Variants in AP4S1 observed in about 807,000 individuals in gnomAD.
AP4S1 encodes adaptor related protein complex 4 subunit sigma 1, also known as AP-4 complex subunit sigma-1.
Under a neutral mutation model 19.8 loss-of-function variants are expected in AP4S1, and 23 were observed. The ratio of observed to expected loss-of-function variants is 1.16; its 90% CI spans 0.84 to 1.65. The LOEUF (loss-of-function observed/expected upper bound fraction) is 1.65, where lower values mean the gene tolerates loss of function less well. AP4S1 is among the 40% of genes most tolerant of loss of function. AP4S1 has a pLI of 0.00. For synonymous variants in AP4S1, 46 were observed against 54.1 expected (o/e 0.85, Z 0.66); for missense variants, 166 against 172.8 (o/e 0.96, Z 0.22).
chr14:31,033,378 T>A (rs1392607953), intron 1 of AP4S1, among the ~76,000 whole-genome samples: 3 of 152,160 alleles, frequency 2.0e-5, no homozygotes, highest in Non-Finnish European at 4.4e-5. Context: ...CATGCCCAGC[T>A]AATTTTTGTA....
Position 31,066,240 on chromosome 14 carries a change from G to A in AP4S1, c.44G>A (p.Arg15Gln), listed in dbSNP as rs1594680613. ...FLMVNKQGQT[R>Q]LSKYYEHVDI... ...ATGGTGAATAAACAAGGGCAGACTC[G>A]ACTTTCTAAGTACTATGAACATGTG... The change falls in exon 2 of 6, where the codon CGA becomes CAA. Residue 15 changes from arginine (R) to glutamine (Q), a missense_variant. By Grantham distance (43) the Arg-to-Gln change is conservative. Transcript: ENST00000542754. The A allele has an allele frequency of 6.2e-6, 10 of 1,613,772 alleles. No homozygotes were observed. The highest frequency in any genetic ancestry group is 1.7e-5 in the Admixed American group (1 of 59,970).
At position 31,092,981 on chromosome 14, in the gene AP4S1, CAG is replaced by C; in HGVS notation, c.382_383del (p.Arg128GlyfsTer11). 1 of 1,548,666 alleles carries C rather than the reference CAG, an allele frequency of 6.5e-7. No individual in the cohort carries two copies. Among genetic ancestry groups the C allele is most frequent in the Non-Finnish European group, 8.7e-7 (1 of 1,146,288 alleles). On this transcript the variant is annotated frameshift_variant, in exon 6 of 6. Transcript: ENST00000542754. LOFTEE classifies it high-confidence loss of function. ...VLNGCIVETN[R>X]ARILAPLLIL... Reference sequence around the variant, plus strand: ...TAAATGGCTGCATTGTGGAAACTAACAGGGCAAGAATTCTTGCCCCTCTACTA... The same window carrying C: ...TAAATGGCTGCATTGTGGAAACTAACGGCAAGAATTCTTGCCCCTCTACTA...
At chr14:31,069,381 TTTTG>T (rs1188903173) in intron 2 of AP4S1, among the ~76,000 whole-genome samples, 2 of 152,176 alleles carry the variant, frequency 1.3e-5, no homozygotes, top group Admixed American at 6.5e-5. Context: ...AGCAACCAAT[TTTTG>T]TTTGTTTGTA....
intron 4 of AP4S1, among the ~76,000 whole-genome samples, chr14:31,077,516 C>T (rs1887425326): frequency 6.6e-6 from 1 of 152,100 alleles, no homozygotes; most frequent in African/African-American, 2.4e-5. Flanking sequence ...AAGTCTGATT[C>T]CTGGACCATT....
chr14:31,027,009 C>T (rs998603532), intron 1 of AP4S1: 1 of 152,226 alleles, frequency 6.6e-6, no homozygotes, highest in African/African-American at 2.4e-5. Flanking sequence ...TCGTCTCTGT[C>T]TTGAGCCTGG....
chr14:31,045,407 T>TG (rs1885339360), intron 1 of AP4S1, among the ~76,000 whole-genome samples: 1 of 152,120 alleles, frequency 6.6e-6, no homozygotes, highest in South Asian at 2.1e-4. Flanking sequence ...GTTTCCTCCA[T>TG]GCTATTCTTG....
chr14:31,051,670 T>A (rs892180829), intron 1 of AP4S1, among the ~76,000 whole-genome samples: 4 of 152,214 alleles, frequency 2.6e-5, no homozygotes, highest in African/African-American at 9.6e-5. Flanking sequence ...AATTTATTTA[T>A]TTATTTATGA....
intron 1 of AP4S1, chr14:31,033,050 T>C (rs185494803): frequency 1.3e-5 from 2 of 152,342 alleles, no homozygotes; most frequent in African/African-American, 4.8e-5. Flanking sequence ...TCAGTGAGTG[T>C]ATATGTGTAT....
In AP4S1 at chr14:31,030,186, C is replaced by G. The variant is rs192355858; in HGVS notation, c.-72+4399C>G. The stretch of plus-strand genomic sequence containing the variant: ...TATTTTTTGTAGAGATGGGTTTTCG[C>G]CATGTTGCACAGGCTGGTCTTGAAC... On this transcript the variant is annotated intron_variant, in intron 1 of 5. Transcript: ENST00000542754. Among the ~76,000 whole-genome samples, 65 of 152,130 alleles carry G rather than the reference C, an allele frequency of 4.3e-4. 1 individual carries two copies. The highest frequency in any genetic ancestry group is 7.1e-4 in the Non-Finnish European group (48 of 68,000).
At chr14:31,091,937 T>G (rs533304566) in intron 5 of AP4S1, among the ~76,000 whole-genome samples, 1 of 152,358 alleles carries the variant, frequency 6.6e-6, no homozygotes, top group South Asian at 2.1e-4. Context: ...ACATTCATTG[T>G]CATCATCTCA....
intron 1 of AP4S1, among the ~76,000 whole-genome samples, chr14:31,052,232 A>G (rs1885835891): frequency 6.6e-6 from 1 of 152,124 alleles, no homozygotes; most frequent in Non-Finnish European, 1.5e-5. Flanking sequence ...TGATTGCGCC[A>G]CTGCACTCCA....
chr14:31,072,493 C>G (rs751880937), intron 3 of AP4S1, among the ~76,000 whole-genome samples: 1 of 152,124 alleles, frequency 6.6e-6, no homozygotes, highest in Admixed American at 6.5e-5. Context: ...GCCTCAGTCT[C>G]GCAAGTAGCT....
chr14:31,049,877 C>T (rs1371072783), intron 1 of AP4S1, among the ~76,000 whole-genome samples: 4 of 152,026 alleles, frequency 2.6e-5, no homozygotes, highest in African/African-American at 9.7e-5. Flanking sequence ...ACTGGGATTA[C>T]AGGCATGGAC....
In AP4S1 at chr14:31,025,679, G is replaced by A. The variant is rs756222302; in HGVS notation, c.-180G>A. On this transcript the variant is annotated 5_prime_UTR_variant, in exon 1 of 6. Transcript: ENST00000542754. Reference sequence around the variant, plus strand: ...AAGCCAAAATGGCTGCCCCGAGGAGGCCCGCACCGCGTAGCCAGTGAAGGT... The same window carrying A: ...AAGCCAAAATGGCTGCCCCGAGGAGACCCGCACCGCGTAGCCAGTGAAGGT... 5 of 679,082 alleles carry A rather than the reference G, an allele frequency of 7.4e-6. No homozygotes were observed. The highest frequency in any genetic ancestry group is 5.6e-5 in the African/African-American group (3 of 53,402). 42.1% of individuals were successfully genotyped at this position (679,082 alleles called of 1,614,324 possible). A position where few individuals can be genotyped will look rare whatever the true frequency, so the allele number is the denominator to read the frequency against.
chr14:31,039,204 G>C (rs999895463), intron 1 of AP4S1, among the ~76,000 whole-genome samples: 2 of 150,724 alleles, frequency 1.3e-5, no homozygotes. Context: ...CTTTTTTTTT[G>C]AGATGGAGTC....
intron 3 of AP4S1, among the ~76,000 whole-genome samples, chr14:31,070,621 T>C (rs1440907225): frequency 1.3e-5 from 2 of 152,142 alleles, no homozygotes; most frequent in Non-Finnish European, 2.9e-5. Context: ...TTGGATTAGA[T>C]CAGGAGCTTG....
At chr14:31,087,416 GTGCAATCTCAACTCAT>G (rs1236074643) in intron 5 of AP4S1, among the ~76,000 whole-genome samples, 3 of 152,150 alleles carry the variant, frequency 2.0e-5, no homozygotes, top group African/African-American at 7.2e-5. Flanking sequence ...GAGTGCAGTG[GTGCAATCTCAACTCAT>G]TGCAACCTCT....
At chr14:31,049,726 G>A (rs1487805177) in intron 1 of AP4S1, among the ~76,000 whole-genome samples, 1 of 151,088 alleles carries the variant, frequency 6.6e-6, no homozygotes, top group Non-Finnish European at 1.5e-5. Flanking sequence ...GCACAATCTC[G>A]GCTCACTGCA....
intron 1 of AP4S1, among the ~76,000 whole-genome samples, chr14:31,038,952 C>T (rs1490935479): frequency 6.6e-6 from 1 of 151,302 alleles, no homozygotes; most frequent in Non-Finnish European, 1.5e-5. Context: ...ACATTGGGAG[C>T]ATTAATGACT....
Sources: allele counts gnomAD v4.1 joint callset (sites outside exome capture counted in the v4.1 genomes callset), GRCh38; gene constraint gnomAD v4.1.1; transcripts MANE v1.5; gene names NCBI Gene and HGNC (gene_info 2026-07-23, HGNC 2026-07-21).